CEP63: variants seen among roughly 807,000 people sequenced by gnomAD.
CEP63 encodes centrosomal protein of 63 kDa.
In CEP63, 84 loss-of-function variants were observed where a neutral mutation model predicts 89.1. That is an observed-to-expected ratio of 0.94 (90% CI 0.79 to 1.13). CEP63 has a LOEUF of 1.13. Among genes scored for constraint, CEP63 ranks in the 50% most tolerant of loss-of-function variants. The probability of loss-of-function intolerance (pLI) is 0.00; values close to 1 mark genes in which losing one functional copy is unlikely to be tolerated. For missense variants in CEP63, 838 were observed against 813.3 expected, an observed-to-expected ratio of 1.03 and a Z score of -0.37; for synonymous variants, 267 against 272.5, an observed-to-expected ratio of 0.98 and a Z score of 0.20.
intron 12 of CEP63, among the ~76,000 whole-genome samples, chr3:134,555,735 G>T (rs1956015792): frequency 6.6e-6 from 1 of 150,964 alleles, no homozygotes; most frequent in African/African-American, 2.4e-5. Flanking sequence ...TCCCCATCAA[G>T]CTACCAATGC....
the CEP63 span, among the ~76,000 whole-genome samples, chr3:134,705,431 C>G: frequency 6.6e-6 from 1 of 152,190 alleles, no homozygotes; most frequent in African/African-American, 2.4e-5. Context: ...AGAATGGCAC[C>G]ATGCCATTCA....
chr3:134,514,327 A>T (rs1370485770), intron 3 of CEP63, among the ~76,000 whole-genome samples: 1 of 152,114 alleles, frequency 6.6e-6, no homozygotes, highest in African/African-American at 2.4e-5. Flanking sequence ...GGATATGAGA[A>T]AGAGAAGACA....
the CEP63 span, among the ~76,000 whole-genome samples, chr3:134,666,478 C>T: frequency 6.6e-6 from 1 of 152,228 alleles, no homozygotes; most frequent in African/African-American, 2.4e-5. Context: ...TCCCTCTCAT[C>T]TCTCCCCAGA....
intron 12 of CEP63, chr3:134,552,870 C>T (rs1955224552): frequency 6.6e-6 from 1 of 151,936 alleles, no homozygotes; most frequent in Admixed American, 6.6e-5. Flanking sequence ...GGATCAGCTG[C>T]AATTACTCAA....
At chr3:134,577,137 A>G (rs1056372591), downstream of CEP63, among the ~76,000 whole-genome samples, 3 of 152,156 alleles carry the variant, frequency 2.0e-5, no homozygotes, top group African/African-American at 7.2e-5. Flanking sequence ...GCAGGGCTCC[A>G]AACAAGACTG....
intron 2 of CEP63, among the ~76,000 whole-genome samples, chr3:134,497,124 T>C (rs745425605): frequency 6.6e-6 from 1 of 152,148 alleles, no homozygotes; most frequent in Non-Finnish European, 1.5e-5. Flanking sequence ...GGGTTTTTTG[T>C]TTTTTTGCTG....
chr3:134,642,981 G>A, the CEP63 span, among the ~76,000 whole-genome samples: 1 of 152,208 alleles, frequency 6.6e-6, no homozygotes, highest in African/African-American at 2.4e-5. Context: ...GTGCATAAGT[G>A]GCTTGGCAGG....
the CEP63 span, among the ~76,000 whole-genome samples, chr3:134,645,457 G>A: frequency 1.1e-4 from 17 of 152,220 alleles, no homozygotes; most frequent in African/African-American, 4.1e-4. Flanking sequence ...TACCAGGGCT[G>A]GGCGGCCTGC....
the CEP63 span, among the ~76,000 whole-genome samples, chr3:134,778,829 G>A: frequency 7.2e-5 from 11 of 152,142 alleles, no homozygotes; most frequent in Non-Finnish European, 1.5e-4. Context: ...CAAAGTGCTG[G>A]GATTACAGGC....
the CEP63 span, among the ~76,000 whole-genome samples, chr3:134,706,186 C>T: frequency 2.0e-5 from 3 of 152,044 alleles, no homozygotes; most frequent in East Asian, 1.9e-4. Context: ...CACCCTGTCA[C>T]GAAAAATTTG....
the CEP63 span, among the ~76,000 whole-genome samples, chr3:134,759,083 G>A: frequency 6.6e-6 from 1 of 152,304 alleles, no homozygotes; most frequent in South Asian, 2.1e-4. Context: ...TCGCTGGAGA[G>A]GGCAAGGAAA....
At chr3:134,780,876 A>G in the CEP63 span, among the ~76,000 whole-genome samples, 1 of 152,128 alleles carries the variant, frequency 6.6e-6, no homozygotes, top group Non-Finnish European at 1.5e-5. Context: ...GCATTTAGCT[A>G]TTCTCCTATG....
chr3:134,550,081 C>T lies in CEP63; in HGVS notation c.1201C>T (p.Gln401Ter), dbSNP rs753461493. Residue 401 changes from glutamine (Q) to a stop codon, truncating the protein, a stop_gained, in exon 11 of 15, where the codon CAG (glutamine) becomes TAG (stop). Coordinates refer to ENST00000675561, the MANE Select transcript of CEP63 (RefSeq NM_001353108.3). LOFTEE classifies it high-confidence loss of function. ...TTTATAGTTGAAAGAACAGATTTTA[C>T]AGGGTGAACAAAGTTACAGTTCTGC... ...EIKKLKEQIL[Q>*]GEQSYSSALE... is the part of the protein sequence containing the mutation. The T allele has an allele frequency of 1.9e-6, 3 of 1,613,310 alleles. No homozygotes were observed. The African/African-American group carries it at 4.0e-5, about 22-fold the overall frequency.
the CEP63 span, among the ~76,000 whole-genome samples, chr3:134,689,365 A>T: frequency 3.9e-5 from 6 of 152,210 alleles, no homozygotes; most frequent in East Asian, 1.2e-3. Context: ...TCCAGAAGGC[A>T]ATTGAGTCAC....
At chr3:134,717,738 A>C in the CEP63 span, among the ~76,000 whole-genome samples, 2 of 152,232 alleles carry the variant, frequency 1.3e-5, no homozygotes, top group African/African-American at 4.8e-5. Context: ...TTTGAGGCAG[A>C]AGAAATTGCC....
At chr3:134,735,223 G>A in the CEP63 span, among the ~76,000 whole-genome samples, 1 of 152,054 alleles carries the variant, frequency 6.6e-6, no homozygotes, top group Non-Finnish European at 1.5e-5. Context: ...AAGCATTATA[G>A]ATGTTACTTT....
At chr3:134,756,657 A>G in the CEP63 span, among the ~76,000 whole-genome samples, 2 of 152,248 alleles carry the variant, frequency 1.3e-5, no homozygotes, top group East Asian at 3.9e-4. Flanking sequence ...CCCAGCCCCA[A>G]AGTATCCTTA....
At chr3:134,616,192 T>C in the CEP63 span, among the ~76,000 whole-genome samples, 93,607 of 152,062 alleles carry the variant, frequency 0.62, 29,414 homozygotes, top group East Asian at 0.87. Flanking sequence ...AGAAGGAAAC[T>C]GGACCAGCAG....
At chr3:134,707,234 C>T in the CEP63 span, among the ~76,000 whole-genome samples, 14 of 152,154 alleles carry the variant, frequency 9.2e-5, no homozygotes, top group Non-Finnish European at 2.1e-4. Context: ...AAAGGAGACA[C>T]ATACATATGC....
Sources: gnomAD v4.1 joint callset for allele counts (sites outside exome capture counted in the v4.1 genomes callset) on GRCh38, gnomAD v4.1.1 for gene constraint, MANE v1.5 for transcripts, NCBI Gene and HGNC (gene_info 2026-07-23, HGNC 2026-07-21) for gene names.